AFAP1L1: variants seen among roughly 807,000 people sequenced by gnomAD.
AFAP1L1 encodes actin filament associated protein 1 like 1, also known as actin filament-associated protein 1-like 1.
AFAP1L1 carries 77 observed loss-of-function variants against 99.8 expected under a neutral mutation model. That is an observed-to-expected ratio of 0.77 (90% CI 0.64 to 0.93). The LOEUF is 0.93. Among genes scored for constraint, AFAP1L1 ranks in the 40% least tolerant of loss-of-function variants. The pLI, the probability that AFAP1L1 is intolerant of heterozygous loss-of-function variation, is 0.00. For missense variants in AFAP1L1, 893 were observed against 996.8 expected, an observed-to-expected ratio of 0.90 and a Z score of 1.40; for synonymous variants, 373 against 395.3, an observed-to-expected ratio of 0.94 and a Z score of 0.67.
chr5:149,335,536 G>C (rs757086414), intron 17 of AFAP1L1, 58 bp from the exon 18 acceptor site: 1 of 1,573,030 alleles, frequency 6.4e-7, no homozygotes, highest in Non-Finnish European at 8.6e-7. Flanking sequence ...GGGCAGGCTG[G>C]GTGTGTAGGT....
chr5:149,282,746 C>G (rs1040522450), intron 1 of AFAP1L1, among the ~76,000 whole-genome samples: 5 of 152,114 alleles, frequency 3.3e-5, no homozygotes, highest in Non-Finnish European at 5.9e-5. Flanking sequence ...CTGGATTAGG[C>G]TGTAGAGAGA....
rs1755118502 is a variant in AFAP1L1 at position 149,271,892 on chromosome 5, G to A, written c.-77G>A. The A allele has an allele frequency of 7.2e-6, 8 of 1,112,046 alleles. No homozygotes were observed. The highest frequency in any genetic ancestry group is 9.0e-6 in the Non-Finnish European group (8 of 889,880). The allele number at this position is 1,112,046 out of a possible 1,614,324, so 68.9% of individuals were successfully genotyped here. A position where few individuals can be genotyped will look rare whatever the true frequency, so the allele number is the denominator to read the frequency against. ...CCGGCCGCTGGGCTGGCCTGAGAGC[G>A]CAGCGCGCCGGCCGCTACCAGCCGC... On this transcript the variant is annotated 5_prime_UTR_variant, in exon 1 of 19. Coordinates refer to ENST00000296721, the MANE Select transcript of AFAP1L1 (RefSeq NM_152406.4).
rs1317817133 is a variant in AFAP1L1 at position 149,271,874 on chromosome 5, C to G, written c.-95C>G. ...AGGGGACCGCAGAGAGCGCCGGCCG[C>G]TGGGCTGGCCTGAGAGCGCAGCGCG... On this transcript the variant is annotated 5_prime_UTR_variant, in exon 1 of 19. Coordinates refer to ENST00000296721, the MANE Select transcript of AFAP1L1 (RefSeq NM_152406.4). 1.0e-6 allele frequency: 1 copy of G among 999,642 alleles called. No individual in the cohort carries two copies. Among genetic ancestry groups the G allele is most frequent in the African/African-American group, 1.7e-5 (1 of 58,772 alleles). The allele number at this position is 999,642 out of a possible 1,614,324, so 61.9% of individuals were successfully genotyped here.
chr5:149,289,552 T>C (rs1755789453), intron 1 of AFAP1L1, among the ~76,000 whole-genome samples: 3 of 152,150 alleles, frequency 2.0e-5, no homozygotes, highest in South Asian at 4.1e-4. Context: ...GTCTTAGTGA[T>C]AAACAATGCG....
At chr5:149,311,096 G>T (rs571411057) in intron 8 of AFAP1L1, among the ~76,000 whole-genome samples, 2 of 151,984 alleles carry the variant, frequency 1.3e-5, no homozygotes, top group Non-Finnish European at 2.9e-5. Context: ...TCCTTGCACC[G>T]CCTCTACTTC....
At chr5:149,281,105 A>C (rs965226781) in intron 1 of AFAP1L1, among the ~76,000 whole-genome samples, 1 of 152,180 alleles carries the variant, frequency 6.6e-6, no homozygotes, top group Non-Finnish European at 1.5e-5. Context: ...ACCCCTGCCC[A>C]TGTGATCATA....
intron 2 of AFAP1L1, 39 bp from the exon 3 acceptor site, chr5:149,300,232 C>T: frequency 6.6e-7 from 1 of 1,524,262 alleles, no homozygotes; most frequent in Admixed American, 1.7e-5. Flanking sequence ...CCTGGTCCCT[C>T]CTCCTTCACA....
intron 17 of AFAP1L1, among the ~76,000 whole-genome samples, chr5:149,333,427 C>T (rs1372138029): frequency 6.6e-6 from 1 of 152,194 alleles, no homozygotes; most frequent in Non-Finnish European, 1.5e-5. Context: ...CCTGTCTCTA[C>T]AAAAAATACA....
Position 149,282,505 on chromosome 5 carries a change from A to C in AFAP1L1, c.16+10521A>C, listed in dbSNP as rs57211345. Among the ~76,000 whole-genome samples, 1,397 of 152,294 alleles carry C rather than the reference A, an allele frequency of 9.2e-3. 40 individuals carry two copies. Among genetic ancestry groups the C allele is most frequent in the East Asian group, 0.064 (330 of 5,178 alleles). ...TTGGGCTTCAGTTCCTTCACCATTA[A>C]GGTTGAAGTATTAGAGTGCAGGGAC... On this transcript the variant is annotated intron_variant, in intron 1 of 18. Coordinates refer to ENST00000296721, the MANE Select transcript of AFAP1L1 (RefSeq NM_152406.4).
rs1757204110 is a variant in AFAP1L1, at chr5:149,329,822, G to T, written c.1967G>T (p.Ser656Ile). ...AGGGAACTGAAGGAAGCCATTCGGA[G>T]CAGCCCAGGTACCTATGTGGGTGTG... The part of the protein sequence containing the change: ...EKRELKEAIR[S>I]SPGAKLKALE... The change falls in exon 16 of 19, where the codon AGC becomes ATC. Residue 656 changes from serine (S) to isoleucine (I), a missense_variant. Physicochemically the swap from Ser to Ile is moderately radical, Grantham distance 142. Coordinates refer to ENST00000296721, the MANE Select transcript of AFAP1L1 (RefSeq NM_152406.4). 1 of 1,609,652 alleles carries T rather than the reference G, an allele frequency of 6.2e-7. No individual in the cohort carries two copies. Among genetic ancestry groups the T allele is most frequent in the South Asian group, 1.1e-5 (1 of 90,304 alleles).
In AFAP1L1 at chr5:149,320,328, A is replaced by G; in HGVS notation, c.1626-63A>G. ...AGAATCAATGAGAGTGAGGACACGA[A>G]AGCACTGTAAGCTGCAAAGCATCAT... On this transcript the variant is annotated intron_variant, in intron 13 of 18. Coordinates refer to ENST00000296721, the MANE Select transcript of AFAP1L1 (RefSeq NM_152406.4). The surrounding 1 kb of genome is among the most constrained non-coding windows in gnomAD (Gnocchi z 4.0). The G allele has an allele frequency of 6.6e-7, 1 of 1,524,044 alleles. No homozygotes were observed. Among genetic ancestry groups the G allele is most frequent in the Non-Finnish European group, 9.1e-7 (1 of 1,099,880 alleles). The allele number at this position is 1,524,044 out of a possible 1,614,324, so 94.4% of individuals were successfully genotyped here.
intron 18 of AFAP1L1, among the ~76,000 whole-genome samples, chr5:149,336,788 C>T (rs1455172940): frequency 1.2e-4 from 19 of 152,218 alleles, no homozygotes; most frequent in Admixed American, 1.2e-3. Context: ...GACCCAATCA[C>T]CTCTTAAAGG....
chr5:149,276,257 A>G (rs1393053606), intron 1 of AFAP1L1, among the ~76,000 whole-genome samples: 1 of 152,246 alleles, frequency 6.6e-6, no homozygotes, highest in African/African-American at 2.4e-5. Flanking sequence ...CATCAAAGTC[A>G]AGTGACTTGA....
chr5:149,309,254 T>C (rs1756534292), intron 7 of AFAP1L1, among the ~76,000 whole-genome samples: 2 of 152,248 alleles, frequency 1.3e-5, no homozygotes, highest in African/African-American at 4.8e-5. Flanking sequence ...TATCAAATAC[T>C]TTTTCTAGCT....
chr5:149,306,451 TGCAAAGAGCAG>T, intron 6 of AFAP1L1, 47 bp downstream of exon 6: 2 of 1,527,194 alleles, frequency 1.3e-6, no homozygotes, highest in Admixed American at 3.7e-5. Context: ...CTTCTGCCCT[TGCAAAGAGCAG>T]GCCTTGTCCT....
In AFAP1L1 at chr5:149,319,653, G is replaced by T; in HGVS notation, c.1551G>T (p.Pro517=). The T allele has an allele frequency of 6.2e-7, 1 of 1,612,926 alleles. No homozygotes were observed. The highest frequency in any genetic ancestry group is 8.5e-7 in the Non-Finnish European group (1 of 1,180,012). Residue 517 remains proline (P), a synonymous_variant, in exon 13 of 19, where the codon CCG becomes CCT. Transcript: ENST00000296721. ...LLVEMGSRVT[P]EALHYDYVDV... ...TGGAGATGGGCTCCAGAGTCACTCC[G>T]GAGGCGCTGCACTATGACTACGTGG...
intron 1 of AFAP1L1, among the ~76,000 whole-genome samples, chr5:149,279,383 A>G (rs1271462386): frequency 6.6e-6 from 1 of 151,178 alleles, no homozygotes; most frequent in African/African-American, 2.5e-5. Flanking sequence ...TATGTAGCTT[A>G]AGGACTACTC....
At chr5:149,326,672 G>A (rs1327909052) in intron 15 of AFAP1L1, among the ~76,000 whole-genome samples, 1 of 152,062 alleles carries the variant, frequency 6.6e-6, no homozygotes, top group East Asian at 1.9e-4. Flanking sequence ...CTGTAAAGGG[G>A]CTGAATTTAA....
chr5:149,283,616 G>A (rs1295456295), intron 1 of AFAP1L1, among the ~76,000 whole-genome samples: 1 of 151,362 alleles, frequency 6.6e-6, no homozygotes, highest in Non-Finnish European at 1.5e-5. Flanking sequence ...TCAAATCAGT[G>A]GCATCTTAGA....
Sources: allele counts gnomAD v4.1 joint callset (sites outside exome capture counted in the v4.1 genomes callset), GRCh38; gene constraint gnomAD v4.1.1; non-coding constraint Gnocchi (gnomAD v3.1); transcripts MANE v1.5; gene names NCBI Gene and HGNC (gene_info 2026-07-23, HGNC 2026-07-21).